Variants in UNC13B observed in about 807,000 individuals in gnomAD.
UNC13B encodes the protein unc-13 homolog B, also known as protein unc-13 homolog B.
Under a neutral mutation model 211.0 loss-of-function variants are expected in UNC13B, and 144 were observed. The observed-to-expected ratio is 0.68, with a 90% CI of 0.60 to 0.78. The LOEUF (loss-of-function observed/expected upper bound fraction) is 0.78. UNC13B is among the 30% of genes least tolerant of loss of function. The pLI is 0.00. For missense variants in UNC13B, 1,777 were observed against 2,002.0 expected (o/e 0.89, Z 2.14); for synonymous variants, 709 against 725.8 (o/e 0.98, Z 0.37).
At chr9:35,299,228 G>A (rs147106508) in intron 8 of UNC13B, among the ~76,000 whole-genome samples, 169 of 150,964 alleles carry the variant, frequency 1.1e-3, no homozygotes, top group East Asian at 4.1e-3. Context: ...GCAAAACTCC[G>A]TCTCAAAAAA....
At position 35,396,527 on chromosome 9, in the gene UNC13B, T is replaced by G; in HGVS notation, c.11360T>G (p.Phe3787Cys). 1 of 1,614,084 alleles carries G rather than the reference T, an allele frequency of 6.2e-7. No individual in the cohort carries two copies. Residue 3787 changes from phenylalanine (F) to cysteine (C), a missense_variant, in exon 27 of 40, where the codon TTC (phenylalanine) becomes TGC (cysteine). Physicochemically the swap from Phe to Cys is radical, Grantham distance 205 (BLOSUM62 -2). Transcript: ENST00000635942. ...AGTGCTGACTACATGAACCTGCACTTCAAGGTGAAGTGGCTCCACAATGAA... is the reference window on the plus strand; with the variant it reads ...AGTGCTGACTACATGAACCTGCACTGCAAGGTGAAGTGGCTCCACAATGAA... Reference protein sequence around the residue: ...CKSADYMNLHFKVKWLHNEYV... With the variant: ...CKSADYMNLHCKVKWLHNEYV...
intron 1 of UNC13B, among the ~76,000 whole-genome samples, chr9:35,177,349 G>A (rs1410351637): frequency 1.3e-5 from 2 of 152,124 alleles, no homozygotes; most frequent in Non-Finnish European, 2.9e-5. Flanking sequence ...AAGTTAGCGG[G>A]AATAAGACCG....
intron 2 of UNC13B, among the ~76,000 whole-genome samples, chr9:35,228,738 G>A (rs1032425211): frequency 2.0e-5 from 3 of 147,380 alleles, no homozygotes; most frequent in East Asian, 2.0e-4. Context: ...GTGTGTGTGT[G>A]TGTGTGTGTG....
chr9:35,343,350 G>A (rs1225997216), intron 11 of UNC13B, among the ~76,000 whole-genome samples: 1 of 152,142 alleles, frequency 6.6e-6, no homozygotes, highest in Non-Finnish European at 1.5e-5. Context: ...CGTACTCTTG[G>A]TCCAGTTTTA....
At chr9:35,200,337 A>G (rs1483293781) in intron 1 of UNC13B, among the ~76,000 whole-genome samples, 1 of 152,180 alleles carries the variant, frequency 6.6e-6, no homozygotes, top group South Asian at 2.1e-4. Flanking sequence ...TTGGTTCCAT[A>G]TGAACTTTAA....
intron 7 of UNC13B, among the ~76,000 whole-genome samples, chr9:35,265,553 A>G (rs1347418327): frequency 6.6e-6 from 1 of 152,242 alleles, no homozygotes; most frequent in Non-Finnish European, 1.5e-5. Flanking sequence ...TACAATTATA[A>G]GAAAAATTAC....
intron 6 of UNC13B, among the ~76,000 whole-genome samples, chr9:35,250,250 C>A (rs1486420451): frequency 6.6e-6 from 1 of 152,136 alleles, no homozygotes; most frequent in African/African-American, 2.4e-5. Context: ...CATAGTTGTG[C>A]CCATGGATAT....
intron 11 of UNC13B, among the ~76,000 whole-genome samples, chr9:35,344,950 C>G (rs1832256546): frequency 6.6e-6 from 1 of 152,144 alleles, no homozygotes; most frequent in Non-Finnish European, 1.5e-5. Flanking sequence ...GCTGAAGATA[C>G]AGTTATGAAC....
At chr9:35,344,730 G>T (rs550765625) in intron 11 of UNC13B, among the ~76,000 whole-genome samples, 21 of 152,268 alleles carry the variant, frequency 1.4e-4, no homozygotes, top group African/African-American at 5.1e-4. Context: ...CCTGCCTAAA[G>T]ACTTTCAAAT....
At position 35,236,606 on chromosome 9, in the gene UNC13B, G is replaced by A. The variant is rs200407901; in HGVS notation, c.270+20G>A. The A allele has an allele frequency of 1.4e-5, 22 of 1,604,170 alleles. No individual in the cohort carries two copies. Among genetic ancestry groups the A allele is most frequent in the African/African-American group, 2.7e-5 (2 of 74,694 alleles). ...GATGAGGTCAGTCATTGCATTTTCTGTTTGGAAGTATGGTTCCCAGCCCAT... is the reference window on the plus strand; with the variant it reads ...GATGAGGTCAGTCATTGCATTTTCTATTTGGAAGTATGGTTCCCAGCCCAT... On this transcript the variant is annotated intron_variant, in intron 4 of 39. Coordinates refer to ENST00000635942, the MANE Select transcript of UNC13B (RefSeq NM_001371189.2).
chr9:35,352,244 A>G, intron 11 of UNC13B: 1 of 1,232,200 alleles, frequency 8.1e-7, no homozygotes, highest in African/African-American at 1.5e-5. Flanking sequence ...ACTGGTGGAA[A>G]GCTTTCTAGC....
chr9:35,393,346 G>A (rs1309965424), intron 26 of UNC13B, among the ~76,000 whole-genome samples: 1 of 152,040 alleles, frequency 6.6e-6, no homozygotes, highest in African/African-American at 2.4e-5. Context: ...GAGGGTGGTA[G>A]TGACAAGAAA....
chr9:35,257,670 G>T (rs1167801083), intron 6 of UNC13B, among the ~76,000 whole-genome samples: 3 of 134,198 alleles, frequency 2.2e-5, no homozygotes, highest in Non-Finnish European at 3.1e-5. Flanking sequence ...TGTTTACATT[G>T]TACTTGACTT....
intron 8 of UNC13B, among the ~76,000 whole-genome samples, chr9:35,296,777 A>T (rs906385067): frequency 2.6e-4 from 39 of 152,230 alleles, no homozygotes; most frequent in Non-Finnish European, 1.5e-4. Context: ...CTTAAAAATA[A>T]GTTGCAGATA....
chr9:35,360,382 T>G (rs1382516019), intron 11 of UNC13B, among the ~76,000 whole-genome samples: 3 of 152,210 alleles, frequency 2.0e-5, no homozygotes, highest in Non-Finnish European at 2.9e-5. Flanking sequence ...TTCAATTTAA[T>G]TATCAAAGAA....
intron 1 of UNC13B, among the ~76,000 whole-genome samples, chr9:35,208,825 G>A (rs955765702): frequency 1.3e-5 from 2 of 152,072 alleles, no homozygotes; most frequent in Admixed American, 6.5e-5. Flanking sequence ...GACACAAATC[G>A]AAACCATATC....
chr9:35,189,250 T>G (rs1248657971), intron 1 of UNC13B, among the ~76,000 whole-genome samples: 2 of 152,236 alleles, frequency 1.3e-5, no homozygotes, highest in Non-Finnish European at 2.9e-5. Flanking sequence ...CTGTTAACTC[T>G]TAGCAACTTT....
rs1829964191 is a variant in UNC13B at position 35,307,143 on chromosome 9, T to C, written c.7739T>C (p.Ile2580Thr). 1 of 399,004 alleles carries C rather than the reference T, an allele frequency of 2.5e-6. No homozygotes were observed. Among genetic ancestry groups the C allele is most frequent in the Admixed American group, 4.4e-5 (1 of 22,734 alleles). The allele number at this position is 399,004 out of a possible 1,614,324, so 24.7% of individuals were successfully genotyped here. Residue 2580 changes from isoleucine (I) to threonine (T), a missense_variant, in exon 9 of 40, where the codon ATC (isoleucine) becomes ACC (threonine). Coordinates refer to ENST00000635942, the MANE Select transcript of UNC13B (RefSeq NM_001371189.2). Reference protein sequence around the residue: ...TVVSAKPESDILTDDPKLTTK... With the variant: ...TVVSAKPESDTLTDDPKLTTK... ...GTTAGTGCAAAGCCAGAATCAGATA[T>C]CTTGACAGATGATCCTAAACTAACA...
chr9:35,257,550 C>T (rs562127586), intron 6 of UNC13B, among the ~76,000 whole-genome samples: 1 of 121,528 alleles, frequency 8.2e-6, no homozygotes, highest in African/African-American at 3.2e-5. Flanking sequence ...CACTGCACTC[C>T]AGCCTGGGAG....
Sources: allele counts gnomAD v4.1 joint callset (sites outside exome capture counted in the v4.1 genomes callset), GRCh38; gene constraint gnomAD v4.1.1; transcripts MANE v1.5; gene names NCBI Gene and HGNC (gene_info 2026-07-23, HGNC 2026-07-21).